The following TNFSF13B variants were observed in gnomAD, a reference collection of about 807,000 sequenced individuals.
TNFSF13B encodes the protein TNF superfamily member 13b.
Under a neutral mutation model 29.1 loss-of-function variants are expected in TNFSF13B, and 8 were observed. The observed-to-expected ratio is 0.27, with a 90% CI of 0.16 to 0.50. TNFSF13B has a LOEUF of 0.50. Among genes scored for constraint, TNFSF13B ranks in the 20% least tolerant of loss-of-function variants. The pLI, the probability that TNFSF13B is intolerant of heterozygous loss-of-function variation, is 0.98. For synonymous variants in TNFSF13B, 125 were observed against 130.8 expected (o/e 0.96, Z 0.30); for missense variants, 248 against 334.9 (o/e 0.74, Z 2.03).
At chr13:108,294,657 G>A (rs1881417128) in intron 3 of TNFSF13B, among the ~76,000 whole-genome samples, 1 of 152,016 alleles carries the variant, frequency 6.6e-6, no homozygotes, top group Admixed American at 6.6e-5. Context: ...TATATTCATG[G>A]TTGATTCTGG....
chr13:108,282,957 A>C (rs563971121), intron 2 of TNFSF13B, among the ~76,000 whole-genome samples: 3 of 152,356 alleles, frequency 2.0e-5, no homozygotes, highest in Admixed American at 1.3e-4. Context: ...ACAATAATCA[A>C]TTAATATGAT....
chr13:108,269,786 C>A lies in TNFSF13B; in HGVS notation c.-110C>A. The A allele has an allele frequency of 9.5e-7, 1 of 1,056,840 alleles. No homozygotes were observed. The highest frequency in any genetic ancestry group is 1.6e-5 in the African/African-American group (1 of 62,824). The allele number at this position is 1,056,840 out of a possible 1,614,324, so 65.5% of individuals were successfully genotyped here. A position where few individuals can be genotyped will look rare whatever the true frequency, so the allele number is the denominator to read the frequency against. On this transcript the variant is annotated 5_prime_UTR_variant, in exon 1 of 6. Coordinates refer to ENST00000375887, the MANE Select transcript of TNFSF13B (RefSeq NM_006573.5). ...AACTCTCCTGAGGGGTGAGCCAAGC[C>A]CTGCCATGTAGTGCACGCAGGACAT...
chr13:108,289,073 T>A (rs774842925), intron 3 of TNFSF13B, among the ~76,000 whole-genome samples: 23 of 147,314 alleles, frequency 1.6e-4, no homozygotes, highest in African/African-American at 5.6e-4. Flanking sequence ...CACTGTTTCC[T>A]AAGAAGTAAA....
chr13:108,293,230 G>A (rs1446104621), intron 3 of TNFSF13B, among the ~76,000 whole-genome samples: 2 of 152,148 alleles, frequency 1.3e-5, no homozygotes, highest in Admixed American at 6.5e-5. Context: ...TCAGTTGTAC[G>A]TAGATGTATG....
At chr13:108,275,749 T>C (rs905719493) in intron 2 of TNFSF13B, among the ~76,000 whole-genome samples, 21 of 152,146 alleles carry the variant, frequency 1.4e-4, no homozygotes, top group Non-Finnish European at 3.1e-4. Flanking sequence ...ACTAACATCT[T>C]ATATGAACAT....
At chr13:108,305,311 C>T (rs559416856) in intron 5 of TNFSF13B, among the ~76,000 whole-genome samples, 3 of 151,974 alleles carry the variant, frequency 2.0e-5, no homozygotes, top group African/African-American at 7.2e-5. Context: ...CTTAAGAAAC[C>T]CAACATAATA....
At chr13:108,298,220 CTA>C (rs1275713793) in intron 3 of TNFSF13B, among the ~76,000 whole-genome samples, 1 of 144,586 alleles carries the variant, frequency 6.9e-6, no homozygotes, top group African/African-American at 2.6e-5. Context: ...AGTATGAGGT[CTA>C]TGAGATATCA....
chr13:108,301,924 A>G (rs900212357), intron 3 of TNFSF13B, among the ~76,000 whole-genome samples: 3 of 152,190 alleles, frequency 2.0e-5, no homozygotes, highest in Admixed American at 2.0e-4. Context: ...TCTGTCAATT[A>G]AAACATAAGA....
In TNFSF13B at chr13:108,306,887, A is replaced by G; in HGVS notation, c.807A>G (p.Gln269=). 6.2e-7 allele frequency: 1 copy of G among 1,611,660 alleles called. No homozygotes were observed. The part of the protein sequence containing the change: ...LQLAIPRENA[Q]ISLDGDVTFF... Reference sequence around the variant, plus strand: ...TTGCAATACCAAGAGAAAATGCACAAATATCACTGGATGGAGATGTCACAT... The same window carrying G: ...TTGCAATACCAAGAGAAAATGCACAGATATCACTGGATGGAGATGTCACAT... The change falls in exon 6 of 6, where the codon CAA becomes CAG. Residue 269 remains glutamine (Q), a synonymous_variant. Coordinates refer to ENST00000375887, the MANE Select transcript of TNFSF13B (RefSeq NM_006573.5).
Position 108,307,563 on chromosome 13 carries a change from A to G in TNFSF13B, c.*625A>G, listed in dbSNP as rs766122602. 6.6e-6 allele frequency: 1 copy of G among 152,002 alleles called. No homozygotes were observed. Among genetic ancestry groups the G allele is most frequent in the Non-Finnish European group, 1.5e-5 (1 of 67,958 alleles). The allele number at this position is 152,002 out of a possible 1,614,324, so 9.4% of individuals were successfully genotyped here. On this transcript the variant is annotated 3_prime_UTR_variant, in exon 6 of 6. Transcript: ENST00000375887. ...TCTTTTATGGTTATTTCAAGTATAC[A>G]ATTTCTATCTGTAATGTAATATATT...
chr13:108,275,625 A>T (rs1246868672), intron 2 of TNFSF13B, among the ~76,000 whole-genome samples: 1 of 152,096 alleles, frequency 6.6e-6, no homozygotes, highest in African/African-American at 2.4e-5. Context: ...TGGTCAATCT[A>T]CTTTAAGGTA....
intron 5 of TNFSF13B, among the ~76,000 whole-genome samples, chr13:108,304,423 G>A (rs1293479758): frequency 1.3e-5 from 2 of 152,180 alleles, no homozygotes; most frequent in African/African-American, 2.4e-5. Flanking sequence ...AAGTGTAGGC[G>A]CAAACCTACC....
intron 3 of TNFSF13B, among the ~76,000 whole-genome samples, chr13:108,289,452 T>TA (rs1881241229): frequency 6.6e-6 from 1 of 151,666 alleles, no homozygotes; most frequent in Admixed American, 6.6e-5. Context: ...TGCATTTTGT[T>TA]AAAAAAGGCT....
chr13:108,307,116 T>TTG lies in TNFSF13B; in HGVS notation c.*179_*180insGT. ...CTGAAACTAGTCCAAAACAGGAAAT[T>TTG]TAACAGACAGCCACAGCCAAAGAGT... On this transcript the variant is annotated 3_prime_UTR_variant, in exon 6 of 6. Transcript: ENST00000375887. The TTG allele has an allele frequency of 1.9e-6, 1 of 518,492 alleles. No individual in the cohort carries two copies. Among genetic ancestry groups the TTG allele is most frequent in the Non-Finnish European group, 3.3e-6 (1 of 301,112 alleles). The allele number at this position is 518,492 out of a possible 1,614,324, so 32.1% of individuals were successfully genotyped here.
intron 2 of TNFSF13B, among the ~76,000 whole-genome samples, chr13:108,286,208 G>C (rs1881123627): frequency 1.3e-5 from 2 of 152,162 alleles, no homozygotes; most frequent in South Asian, 4.1e-4. Context: ...ATCACTTTCT[G>C]TCTCTGATTC....
rs1040043149 is a variant in TNFSF13B at position 108,299,597 on chromosome 13, C to T, written c.482-3656C>T. 5.9e-5 allele frequency among the ~76,000 whole-genome samples: 9 copies of T among 151,968 alleles called. 1 individual carries two copies. Among genetic ancestry groups the T allele is most frequent in the Middle Eastern group, 3.4e-3 (1 of 294 alleles). ...AGATGATTTTATCGCTAATCCTCATCCTGACAGAGATTTCGTTAAACATTA... is the reference window on the plus strand; with the variant it reads ...AGATGATTTTATCGCTAATCCTCATTCTGACAGAGATTTCGTTAAACATTA... On this transcript the variant is annotated intron_variant, in intron 3 of 5. Transcript: ENST00000375887.
Position 108,295,548 on chromosome 13 carries a change from T to C in TNFSF13B, c.482-7705T>C, listed in dbSNP as rs1249535993. On this transcript the variant is annotated intron_variant, in intron 3 of 5. Coordinates refer to ENST00000375887, the MANE Select transcript of TNFSF13B (RefSeq NM_006573.5). ...TATTATTACCTTCTTTATTATATTA[T>C]CTGATCTTTATTATTTTCTTCCTTC... Among the ~76,000 whole-genome samples the C allele has an allele frequency of 2.1e-5, 3 of 144,924 alleles. 1 individual carries two copies. Among genetic ancestry groups the C allele is most frequent in the Non-Finnish European group, 4.6e-5 (3 of 65,404 alleles).
At chr13:108,285,302 A>T (rs989809226) in intron 2 of TNFSF13B, among the ~76,000 whole-genome samples, 13 of 152,192 alleles carry the variant, frequency 8.5e-5, no homozygotes, top group Admixed American at 8.5e-4. Flanking sequence ...CTGCTATGTT[A>T]TTTCAAGTTT....
chr13:108,275,296 T>C (rs889202841), intron 2 of TNFSF13B, among the ~76,000 whole-genome samples: 1 of 152,210 alleles, frequency 6.6e-6, no homozygotes. Flanking sequence ...TTTTATTAAT[T>C]TTAAGAACCT....
Sources: gnomAD v4.1 joint callset for allele counts (sites outside exome capture counted in the v4.1 genomes callset) on GRCh38, gnomAD v4.1.1 for gene constraint, MANE v1.5 for transcripts, NCBI Gene and HGNC (gene_info 2026-07-23, HGNC 2026-07-21) for gene names.